PHYHIPL: variants seen among roughly 807,000 people sequenced by gnomAD.
The protein encoded by PHYHIPL is phytanoyl-CoA 2-hydroxylase interacting protein like.
In PHYHIPL, 9 loss-of-function variants were observed where a neutral mutation model predicts 33.4. The ratio of observed to expected loss-of-function variants is 0.27; its 90% CI spans 0.16 to 0.47. The LOEUF is 0.47. Ranked by LOEUF, PHYHIPL falls within the 20% of genes least tolerant of loss-of-function variation. The pLI is 0.99. For synonymous variants in PHYHIPL, 153 were observed against 154.1 expected, an observed-to-expected ratio of 0.99 and a Z score of 0.05; for missense variants, 365 against 460.7, an observed-to-expected ratio of 0.79 and a Z score of 1.90.
At chr10:59,235,263 T>A (rs1391263331) in intron 2 of PHYHIPL, among the ~76,000 whole-genome samples, 1 of 151,866 alleles carries the variant, frequency 6.6e-6, no homozygotes, top group Non-Finnish European at 1.5e-5. Flanking sequence ...TTTAAATGTT[T>A]TTAGATATAT....
At chr10:59,234,857 A>G (rs1416059811) in intron 2 of PHYHIPL, among the ~76,000 whole-genome samples, 1 of 151,858 alleles carries the variant, frequency 6.6e-6, no homozygotes, top group Non-Finnish European at 1.5e-5. Context: ...TTGTAGATAC[A>G]GGTGTAAACT....
chr10:59,176,716 C>T lies in PHYHIPL; in HGVS notation c.-138C>T, dbSNP rs1838260497. On this transcript the variant is annotated 5_prime_UTR_variant, in exon 1 of 5. Coordinates refer to ENST00000373880, the MANE Select transcript of PHYHIPL (RefSeq NM_032439.4). ...CGGCTCTCCAGCCCCGCGCCTCAGC[C>T]TCGGCGCCGCATCACCGCGTCCCAG... 4 of 758,700 alleles carry T rather than the reference C, an allele frequency of 5.3e-6. No individual in the cohort carries two copies. Among genetic ancestry groups the T allele is most frequent in the African/African-American group, 3.6e-5 (2 of 55,704 alleles). The allele number at this position is 758,700 out of a possible 1,614,324, so 47.0% of individuals were successfully genotyped here. A position where few individuals can be genotyped will look rare whatever the true frequency, so the allele number is the denominator to read the frequency against.
At chr10:59,184,637 T>C (rs1838515275) in intron 1 of PHYHIPL, among the ~76,000 whole-genome samples, 1 of 151,988 alleles carries the variant, frequency 6.6e-6, no homozygotes, top group African/African-American at 2.4e-5. Flanking sequence ...GTTTTTTTTT[T>C]TTAATTTTTT....
chr10:59,216,193 A>G (rs1040346010), intron 1 of PHYHIPL, among the ~76,000 whole-genome samples: 1 of 152,138 alleles, frequency 6.6e-6, no homozygotes, highest in Non-Finnish European at 1.5e-5. Context: ...TTAAAATTAC[A>G]TAAAGTTTAA....
At chr10:59,208,323 G>T (rs1205149341) in intron 1 of PHYHIPL, among the ~76,000 whole-genome samples, 1 of 152,184 alleles carries the variant, frequency 6.6e-6, no homozygotes, top group African/African-American at 2.4e-5. Flanking sequence ...CAGACCTGCA[G>T]CTGCGGAGAC....
chr10:59,214,496 A>G (rs995861385), intron 1 of PHYHIPL, among the ~76,000 whole-genome samples: 1 of 152,090 alleles, frequency 6.6e-6, no homozygotes, highest in Non-Finnish European at 1.5e-5. Context: ...GTTTCCAGTA[A>G]TAATTATTGG....
intron 1 of PHYHIPL, among the ~76,000 whole-genome samples, chr10:59,200,442 T>C (rs1839065027): frequency 6.6e-6 from 1 of 152,224 alleles, no homozygotes; most frequent in South Asian, 2.1e-4. Flanking sequence ...TTTGATGTGC[T>C]GCTGGATTTG....
chr10:59,173,933 T>G (rs909507607), upstream of PHYHIPL, among the ~76,000 whole-genome samples: 2 of 98,998 alleles, frequency 2.0e-5, no homozygotes, highest in Non-Finnish European at 3.8e-5. Context: ...TTTTTTTTTT[T>G]TTTTTTTTTT....
intron 1 of PHYHIPL, among the ~76,000 whole-genome samples, chr10:59,207,430 C>A (rs1409084589): frequency 6.6e-6 from 1 of 152,286 alleles, no homozygotes; most frequent in Non-Finnish European, 1.5e-5. Flanking sequence ...TCTTCGCAAC[C>A]CGCAAACCAG....
At chr10:59,207,211 T>C (rs896612040) in intron 1 of PHYHIPL, among the ~76,000 whole-genome samples, 2 of 152,170 alleles carry the variant, frequency 1.3e-5, no homozygotes, top group Non-Finnish European at 2.9e-5. Flanking sequence ...GATTTCTGCA[T>C]TTCCAACTGA....
At chr10:59,243,853 G>A (rs1245861706) in intron 4 of PHYHIPL, among the ~76,000 whole-genome samples, 4 of 152,044 alleles carry the variant, frequency 2.6e-5, no homozygotes. Context: ...TCAGGGTTAC[G>A]GTAACAAATA....
chr10:59,177,619 G>A, intron 1 of PHYHIPL: 1 of 1,551,644 alleles, frequency 6.4e-7, no homozygotes, highest in Admixed American at 2.0e-5. Context: ...TTTGTGGCGA[G>A]TACGTACCAT....
chr10:59,238,667 T>C lies in PHYHIPL; in HGVS notation c.558T>C (p.Phe186=). 1.9e-6 allele frequency: 3 copies of C among 1,604,600 alleles called. No homozygotes were observed. Among genetic ancestry groups the C allele is most frequent in the Non-Finnish European group, 2.6e-6 (3 of 1,171,780 alleles). The change falls in exon 4 of 5, where the codon TTT becomes TTC. Residue 186 remains phenylalanine (F), a synonymous_variant. Transcript: ENST00000373880. ...GACGCATGCTTAAGTTTTCTGTTTT[T>C]TATCGTAATCAGCACAAAGAATATT... ...IAGRMLKFSV[F]YRNQHKEYFD... is the part of the protein sequence containing the mutation.
At chr10:59,228,224 A>C (rs1839983275) in intron 1 of PHYHIPL, among the ~76,000 whole-genome samples, 1 of 152,154 alleles carries the variant, frequency 6.6e-6, no homozygotes, top group African/African-American at 2.4e-5. Flanking sequence ...AATAGAATAG[A>C]ATACAAAAAG....
chr10:59,224,444 C>A lies in PHYHIPL; in HGVS notation c.107-9860C>A, dbSNP rs1480080541. On this transcript the variant is annotated intron_variant, in intron 1 of 4. Transcript: ENST00000373880. Reference sequence around the variant, plus strand: ...CACTCCAGCCTGGGCAAGAGTGAGACCCTGTCTCAAGGAAACAAAACAAAA... The same window carrying A: ...CACTCCAGCCTGGGCAAGAGTGAGAACCTGTCTCAAGGAAACAAAACAAAA... Among the ~76,000 whole-genome samples, 7 of 107,874 alleles carry A rather than the reference C, an allele frequency of 6.5e-5. No individual in the cohort carries two copies. In the East Asian group the frequency reaches 1.8e-3, roughly 28 times the overall value. The allele number at this position is 107,874 out of a possible 152,430, so 70.8% of individuals were successfully genotyped here.
rs1477258578 is a variant in PHYHIPL, at chr10:59,176,923, C to G, written c.70C>G (p.Leu24Val). The change falls in exon 1 of 5, where the codon CTC (leucine) becomes GTC (valine). Residue 24 changes from leucine (L) to valine (V), a missense_variant. This residue lies in a region of PHYHIPL where 89 missense variants were observed against 78.3 expected (regional missense o/e 1.14). Coordinates refer to ENST00000373880, the MANE Select transcript of PHYHIPL (RefSeq NM_032439.4). ...CCCCTGTGAGGAGGTGATCAAAAAC[C>G]TCAGCCTGGAGGCCATTCAGCTGTG... ...TSPCEEVIKN[L>V]SLEAIQLCDR... is the part of the protein sequence containing the mutation. The G allele has an allele frequency of 2.5e-6, 4 of 1,613,756 alleles. No individual in the cohort carries two copies. Among genetic ancestry groups the G allele is most frequent in the Non-Finnish European group, 3.4e-6 (4 of 1,179,846 alleles).
chr10:59,176,623 C>T (rs1838257089), upstream of PHYHIPL: 1 of 369,774 alleles, frequency 2.7e-6, no homozygotes, highest in Non-Finnish European at 4.8e-6. Context: ...ATCCTCGCGC[C>T]GGGTCCTGCT....
intron 1 of PHYHIPL, among the ~76,000 whole-genome samples, chr10:59,197,119 A>C (rs1485477037): frequency 6.6e-6 from 1 of 152,198 alleles, no homozygotes; most frequent in Non-Finnish European, 1.5e-5. Context: ...AGATGTTCTC[A>C]TTATCCTCCC....
chr10:59,247,584 G>A lies in PHYHIPL; in HGVS notation c.*1993G>A. ...AAAATAAACTTTACTTTATATCATG[G>A]GTGAAAGTGATCATAACATTTCCTG... is the stretch of plus-strand genomic sequence containing the variant. On this transcript the variant is annotated 3_prime_UTR_variant, in exon 5 of 5. Coordinates refer to ENST00000373880, the MANE Select transcript of PHYHIPL (RefSeq NM_032439.4). 8 of 1,612,356 alleles carry A rather than the reference G, an allele frequency of 5.0e-6. No homozygotes were observed. The South Asian group carries it at 5.5e-5, about 11-fold the overall frequency.
Sources: gnomAD v4.1 joint callset for allele counts (sites outside exome capture counted in the v4.1 genomes callset) on GRCh38, gnomAD v4.1.1 for gene constraint, gnomAD v4.1.1 regional missense constraint, MANE v1.5 for transcripts, NCBI Gene and HGNC (gene_info 2026-07-23, HGNC 2026-07-21) for gene names.